Variants in INPP5A observed in about 807,000 individuals in gnomAD.
The protein encoded by INPP5A is 43 kDa inositol polyphosphate 5-phophatase.
A neutral mutation model predicts 65.2 loss-of-function variants in INPP5A; 14 were observed. That is an observed-to-expected ratio of 0.21 (90% CI 0.14 to 0.34). INPP5A has a LOEUF of 0.34. Among genes scored for constraint, INPP5A ranks in the 10% least tolerant of loss-of-function variants. The pLI is 1.00. For synonymous variants in INPP5A, 207 were observed against 208.3 expected (o/e 0.99, Z 0.05); for missense variants, 431 against 545.6 (o/e 0.79, Z 2.09).
intron 1 of INPP5A, among the ~76,000 whole-genome samples, chr10:132,544,282 A>G (rs1369267635): frequency 6.6e-6 from 1 of 152,244 alleles, no homozygotes; most frequent in African/African-American, 2.4e-5. Context: ...CGGCCAGAGC[A>G]GAGTGCCAGC....
chr10:132,723,343 ACT>A (rs539157211), intron 8 of INPP5A, among the ~76,000 whole-genome samples: 24 of 152,308 alleles, frequency 1.6e-4, no homozygotes, highest in African/African-American at 5.5e-4. Flanking sequence ...GCACTGGGGA[ACT>A]CATTAGAGTT....
At chr10:132,632,944 C>G (rs1340505959) in intron 2 of INPP5A, among the ~76,000 whole-genome samples, 1 of 152,192 alleles carries the variant, frequency 6.6e-6, no homozygotes, top group Admixed American at 6.5e-5. Context: ...GGCATTCACA[C>G]CTCGGAAGGG....
At position 132,782,208 on chromosome 10, in the gene INPP5A, T is replaced by C; in HGVS notation, c.*179T>C. The C allele has an allele frequency of 1.3e-6, 1 of 782,250 alleles. No homozygotes were observed. The highest frequency in any genetic ancestry group is 1.8e-5 in the African/African-American group (1 of 56,504). 48.5% of individuals were successfully genotyped at this position (782,250 alleles called of 1,614,324 possible). A position where few individuals can be genotyped will look rare whatever the true frequency, so the allele number is the denominator to read the frequency against. On this transcript the variant is annotated 3_prime_UTR_variant, in exon 16 of 16. Coordinates refer to ENST00000368594, the MANE Select transcript of INPP5A (RefSeq NM_005539.5). The surrounding 1 kb of genome is among the most constrained non-coding windows in gnomAD (Gnocchi z 4.4). ...CCATTCCGGAGCAGCCTCACATACCTCACTGTCTCGTCTGTCTATGTGACA... is the reference window on the plus strand; with the variant it reads ...CCATTCCGGAGCAGCCTCACATACCCCACTGTCTCGTCTGTCTATGTGACA...
chr10:132,640,617 T>A (rs998525961), intron 2 of INPP5A, among the ~76,000 whole-genome samples: 1 of 152,246 alleles, frequency 6.6e-6, no homozygotes, highest in East Asian at 1.9e-4. Flanking sequence ...CCTCTCAGCC[T>A]CCTCGGGCAC....
intron 5 of INPP5A, among the ~76,000 whole-genome samples, chr10:132,695,970 G>A (rs1185204194): frequency 6.6e-6 from 1 of 152,142 alleles, no homozygotes; most frequent in African/African-American, 2.4e-5. Context: ...TAAGAGGCGG[G>A]GCCTTGGGAG....
chr10:132,587,100 A>T lies in INPP5A; in HGVS notation c.76-20815A>T, dbSNP rs2071554863. On this transcript the variant is annotated intron_variant, in intron 1 of 15. Transcript: ENST00000368594. The surrounding 1 kb of genome is among the most constrained non-coding windows in gnomAD (Gnocchi z 4.3). ...TATTCCAGTCACAGCTGAGCCATGT[A>T]GTGTGCTATGACTTGATTTTTTCAG... Among the ~76,000 whole-genome samples, 1 of 152,244 alleles carries T rather than the reference A, an allele frequency of 6.6e-6. No homozygotes were observed. The highest frequency in any genetic ancestry group is 1.5e-5 in the Non-Finnish European group (1 of 68,042).
chr10:132,540,741 C>T (rs988558821), intron 1 of INPP5A, among the ~76,000 whole-genome samples: 26 of 152,238 alleles, frequency 1.7e-4, no homozygotes, highest in Non-Finnish European at 2.9e-4. Context: ...CCCGTGCTGA[C>T]GAACGCACCC....
chr10:132,562,876 G>A (rs549872075), intron 1 of INPP5A, among the ~76,000 whole-genome samples: 5 of 152,332 alleles, frequency 3.3e-5, no homozygotes, highest in South Asian at 4.1e-4. Context: ...GGCTCGGGGC[G>A]GTGGTGCCCT....
At chr10:132,574,721 C>T (rs565709660) in intron 1 of INPP5A, among the ~76,000 whole-genome samples, 8 of 141,498 alleles carry the variant, frequency 5.7e-5, no homozygotes, top group South Asian at 4.3e-4. Context: ...GACAGAGTCT[C>T]GCTCTGTTGC....
chr10:132,591,736 C>T (rs2071622853), intron 1 of INPP5A, among the ~76,000 whole-genome samples: 1 of 152,198 alleles, frequency 6.6e-6, no homozygotes, highest in South Asian at 2.1e-4. Flanking sequence ...TTCTCTGCCC[C>T]TCCAGGTGTG....
intron 12 of INPP5A, among the ~76,000 whole-genome samples, chr10:132,770,118 C>T (rs2134681200): frequency 6.6e-6 from 1 of 152,290 alleles, no homozygotes; most frequent in South Asian, 2.1e-4. Context: ...CCACCTCTGC[C>T]CTGACACTGC....
At chr10:132,732,270 C>T (rs995681574) in intron 9 of INPP5A, among the ~76,000 whole-genome samples, 1 of 152,386 alleles carries the variant, frequency 6.6e-6, no homozygotes, top group South Asian at 2.1e-4. Context: ...GGATTGTTTA[C>T]TCAGCAAGTG....
At chr10:132,740,809 C>T (rs1407953873) in intron 9 of INPP5A, among the ~76,000 whole-genome samples, 2 of 152,166 alleles carry the variant, frequency 1.3e-5, no homozygotes, top group Admixed American at 6.5e-5. Context: ...TCAGTTTTCC[C>T]AGTGAGAGCC....
At chr10:132,646,501 G>A (rs2072496728) in intron 3 of INPP5A, among the ~76,000 whole-genome samples, 2 of 152,194 alleles carry the variant, frequency 1.3e-5, no homozygotes, top group Admixed American at 1.3e-4. Flanking sequence ...TCCAGGAGTG[G>A]ACAGGAGCAG....
At chr10:132,747,323 C>T (rs1195313780) in intron 9 of INPP5A, among the ~76,000 whole-genome samples, 4 of 152,262 alleles carry the variant, frequency 2.6e-5, no homozygotes, top group South Asian at 2.1e-4. Flanking sequence ...ACACATGAGT[C>T]CAAAAGCCAC....
rs151025074 is a variant in INPP5A, at chr10:132,657,468, C to T, written c.306+6963C>T. ...AGATGCCCTTTGCAAGTGCTGTGCA[C>T]GGCAGCTCACAGCCCCCACCCCCAG... is the stretch of plus-strand genomic sequence containing the variant. On this transcript the variant is annotated intron_variant, in intron 4 of 15. Transcript: ENST00000368594. Among the ~76,000 whole-genome samples, 1,015 of 152,324 alleles carry T rather than the reference C, an allele frequency of 6.7e-3. 6 individuals are homozygous for T. Among genetic ancestry groups the T allele is most frequent in the Middle Eastern group, 0.014 (4 of 294 alleles).
chr10:132,678,548 G>A lies in INPP5A; in HGVS notation c.307-11844G>A, dbSNP rs1404774134. Among the ~76,000 whole-genome samples the A allele has an allele frequency of 6.6e-6, 1 of 152,182 alleles. No homozygotes were observed. On this transcript the variant is annotated intron_variant, in intron 4 of 15. Transcript: ENST00000368594. This position sits in a 1 kb window ranked among gnomAD's most constrained non-coding sequence, Gnocchi z 4.1. ...CTTTGAGACCTGAGCTGAGGGTTCT[G>A]TCCAGCGGTCCTGAGCTGCTGCTGC...
intron 2 of INPP5A, among the ~76,000 whole-genome samples, chr10:132,626,825 G>A (rs1443364052): frequency 6.6e-6 from 1 of 152,232 alleles, no homozygotes; most frequent in African/African-American, 2.4e-5. Context: ...TTGGCTCCGT[G>A]TGAGGCCCTC....
At chr10:132,647,006 T>C (rs1243870875) in intron 3 of INPP5A, among the ~76,000 whole-genome samples, 1 of 152,162 alleles carries the variant, frequency 6.6e-6, no homozygotes, top group Admixed American at 6.5e-5. Context: ...AAGCCCTCCG[T>C]GTTGAACTCC....
Sources: gnomAD v4.1 joint callset for allele counts (sites outside exome capture counted in the v4.1 genomes callset) on GRCh38, gnomAD v4.1.1 for gene constraint, Gnocchi (gnomAD v3.1) non-coding constraint, MANE v1.5 for transcripts, NCBI Gene and HGNC (gene_info 2026-07-23, HGNC 2026-07-21) for gene names.